RBFOX1: variants seen among roughly 807,000 people sequenced by gnomAD.
RBFOX1 encodes the protein RNA binding fox-1 homolog 1, also known as RNA binding protein fox-1 homolog 1.
A neutral mutation model predicts 57.7 loss-of-function variants in RBFOX1; 8 were observed. The ratio of observed to expected loss-of-function variants is 0.14; its 90% CI spans 0.08 to 0.25. RBFOX1 has a LOEUF of 0.25. RBFOX1 is among the 10% of genes least tolerant of loss of function. The pLI, the probability that RBFOX1 is intolerant of heterozygous loss-of-function variation, is 1.00. For synonymous variants in RBFOX1, 326 were observed against 222.4 expected, an observed-to-expected ratio of 1.47 and a Z score of -4.15; for missense variants, 611 against 548.5, an observed-to-expected ratio of 1.11 and a Z score of -1.14.
intron 2 of RBFOX1, among the ~76,000 whole-genome samples, chr16:6,542,971 T>C (rs1404389202): frequency 2.0e-5 from 3 of 152,124 alleles, no homozygotes; most frequent in Non-Finnish European, 2.9e-5. Context: ...ATCACTCTTA[T>C]CCTGGATGCC....
chr16:7,162,652 C>A (rs1191831589), intron 4 of RBFOX1, among the ~76,000 whole-genome samples: 3 of 151,974 alleles, frequency 2.0e-5, no homozygotes, highest in South Asian at 2.1e-4. Context: ...TGGCTTGAAC[C>A]TGGGAGACAG....
At chr16:6,506,778 C>T (rs1450530586) in intron 2 of RBFOX1, among the ~76,000 whole-genome samples, 3 of 151,856 alleles carry the variant, frequency 2.0e-5, no homozygotes, top group Admixed American at 2.0e-4. Context: ...TCCCAAGAAG[C>T]TGGGATTACA....
intron 3 of RBFOX1, among the ~76,000 whole-genome samples, chr16:6,795,722 C>T (rs1163978390): frequency 6.6e-6 from 1 of 150,942 alleles, no homozygotes; most frequent in Non-Finnish European, 1.5e-5. Context: ...GCCAATGTTG[C>T]ACCACTGCAC....
chr16:6,593,712 C>G (rs74005201), intron 2 of RBFOX1, among the ~76,000 whole-genome samples: 1 of 152,004 alleles, frequency 6.6e-6, no homozygotes, highest in African/African-American at 2.4e-5. Context: ...ATTTTTACTT[C>G]TTATTTTACA....
chr16:6,886,805 AAG>A (rs1268581887), intron 3 of RBFOX1, among the ~76,000 whole-genome samples: 1 of 152,070 alleles, frequency 6.6e-6, no homozygotes, highest in Non-Finnish European at 1.5e-5. Flanking sequence ...CAGAAAAAAA[AAG>A]AATGAAAATG....
chr16:6,618,301 G>C (rs1356686414), intron 2 of RBFOX1, among the ~76,000 whole-genome samples: 1 of 152,130 alleles, frequency 6.6e-6, no homozygotes, highest in Non-Finnish European at 1.5e-5. Flanking sequence ...TGTAATAGAT[G>C]ACATTGACTG....
chr16:7,406,464 G>C (rs190316081), intron 4 of RBFOX1, among the ~76,000 whole-genome samples: 365 of 152,366 alleles, frequency 2.4e-3, no homozygotes, highest in Non-Finnish European at 3.7e-3. Flanking sequence ...CTGTGGCCCA[G>C]AGGGTGGATG....
At chr16:7,009,766 T>A (rs2093559924) in intron 3 of RBFOX1, among the ~76,000 whole-genome samples, 1 of 152,182 alleles carries the variant, frequency 6.6e-6, no homozygotes, top group Non-Finnish European at 1.5e-5. Context: ...CTAAATTAAG[T>A]GGCATTCAGC....
intron 1 of RBFOX1, among the ~76,000 whole-genome samples, chr16:5,348,343 A>C (rs1038722174): frequency 6.6e-6 from 1 of 152,214 alleles, no homozygotes; most frequent in Non-Finnish European, 1.5e-5. Context: ...ATTTATGACT[A>C]ATAGTAATAG....
At chr16:5,496,079 T>A (rs2042992261) in intron 2 of RBFOX1, among the ~76,000 whole-genome samples, 1 of 151,968 alleles carries the variant, frequency 6.6e-6, no homozygotes, top group Admixed American at 6.6e-5. Flanking sequence ...TGAGCCAACA[T>A]CGCACCACCA....
intron 4 of RBFOX1, among the ~76,000 whole-genome samples, chr16:7,079,063 G>T (rs1351853320): frequency 6.6e-6 from 1 of 151,778 alleles, no homozygotes. Flanking sequence ...TTCAACTCAT[G>T]ACAGCCTGAA....
intron 3 of RBFOX1, among the ~76,000 whole-genome samples, chr16:6,874,196 C>T (rs1430060784): frequency 6.6e-6 from 1 of 152,032 alleles, no homozygotes; most frequent in Non-Finnish European, 1.5e-5. Flanking sequence ...CACACAAACA[C>T]ATGCTACTCA....
intron 6 of RBFOX1, among the ~76,000 whole-genome samples, chr16:7,581,003 G>A (rs534324376): frequency 7.3e-5 from 11 of 151,288 alleles, no homozygotes; most frequent in African/African-American, 2.7e-4. Flanking sequence ...AGCCAAGTTG[G>A]TGGTGTCTCC....
intron 2 of RBFOX1, among the ~76,000 whole-genome samples, chr16:6,629,554 A>T (rs1236839977): frequency 6.6e-6 from 1 of 152,118 alleles, no homozygotes; most frequent in African/African-American, 2.4e-5. Context: ...GATAAAAATC[A>T]ACATTAATTG....
intron 3 of RBFOX1, among the ~76,000 whole-genome samples, chr16:5,841,123 G>A (rs550351080): frequency 6.6e-6 from 1 of 152,262 alleles, no homozygotes; most frequent in East Asian, 1.9e-4. Context: ...GTGATTTCCT[G>A]GCATTGCGTC....
chr16:5,841,130 C>G (rs768621753), intron 3 of RBFOX1, among the ~76,000 whole-genome samples: 2 of 152,112 alleles, frequency 1.3e-5, no homozygotes, highest in Non-Finnish European at 2.9e-5. Context: ...CCTGGCATTG[C>G]GTCAAACATT....
chr16:5,510,871 G>A (rs913484157), intron 2 of RBFOX1, among the ~76,000 whole-genome samples: 1 of 152,096 alleles, frequency 6.6e-6, no homozygotes, highest in African/African-American at 2.4e-5. Flanking sequence ...CTGACAACCA[G>A]AAGTGTCTCT....
chr16:6,691,219 A>G (rs567342885), intron 3 of RBFOX1, among the ~76,000 whole-genome samples: 3 of 152,288 alleles, frequency 2.0e-5, no homozygotes, highest in East Asian at 1.9e-4. Flanking sequence ...CCATCAGAGG[A>G]TGGTTTTCTG....
intron 14 of RBFOX1, among the ~76,000 whole-genome samples, chr16:7,700,756 C>T (rs1206474591): frequency 1.3e-5 from 2 of 152,152 alleles, no homozygotes; most frequent in East Asian, 1.9e-4. Flanking sequence ...ACTGTGTCTT[C>T]TCTACTCCGA....
Sources: gnomAD v4.1 joint callset for allele counts (sites outside exome capture counted in the v4.1 genomes callset) on GRCh38, gnomAD v4.1.1 for gene constraint, MANE v1.5 for transcripts, NCBI Gene and HGNC (gene_info 2026-07-23, HGNC 2026-07-21) for gene names.